NDC80: variants seen among roughly 807,000 people sequenced by gnomAD.
The protein encoded by NDC80 is kinetochore protein NDC80 homolog.
Under a neutral mutation model 89.3 loss-of-function variants are expected in NDC80, and 69 were observed. That is an observed-to-expected ratio of 0.77 (90% CI 0.64 to 0.94). The LOEUF (loss-of-function observed/expected upper bound fraction) is 0.94, where lower values mean the gene tolerates loss of function less well. NDC80 is among the 40% of genes least tolerant of loss of function. The pLI, the probability that NDC80 is intolerant of heterozygous loss-of-function variation, is 0.00. For synonymous variants in NDC80, 243 were observed against 255.6 expected, an observed-to-expected ratio of 0.95 and a Z score of 0.47; for missense variants, 593 against 739.6, an observed-to-expected ratio of 0.80 and a Z score of 2.30.
At chr18:2,593,028 G>C (rs2143649046) in intron 10 of NDC80, among the ~76,000 whole-genome samples, 1 of 122,366 alleles carries the variant, frequency 8.2e-6, no homozygotes, top group South Asian at 2.6e-4. Context: ...GTGTGTGTGT[G>C]TGTGTGTGTG....
At chr18:2,599,259 T>A in intron 12 of NDC80, 88 bp downstream of exon 12, 2 of 1,046,396 alleles carry the variant, frequency 1.9e-6, no homozygotes, top group Non-Finnish European at 2.6e-6. Context: ...CATAACCCAG[T>A]ACTAAACAAA....
At chr18:2,609,584 C>T (rs1379319388) in intron 15 of NDC80, among the ~76,000 whole-genome samples, 1 of 152,130 alleles carries the variant, frequency 6.6e-6, no homozygotes, top group Non-Finnish European at 1.5e-5. Flanking sequence ...GATACACATA[C>T]TTAATGGCTA....
rs572977810 is a variant in NDC80, at chr18:2,588,969, CTT to C, written c.764-233_764-232del. 9.9e-4 allele frequency among the ~76,000 whole-genome samples: 151 copies of C among 152,106 alleles called. 3 individuals are homozygous for C. The highest frequency in any genetic ancestry group is 8.8e-5 in the Non-Finnish European group (6 of 68,012). On this transcript the variant is annotated intron_variant, in intron 8 of 16. Transcript: ENST00000261597. ...AAGAGGAAAATAATGAAATGAGCAA[CTT>C]TAAGTCAAATGGTGATAAGCGCTTT...
At position 2,606,448 on chromosome 18, in the gene NDC80, G is replaced by C; in HGVS notation, c.1498G>C (p.Val500Leu). ...NAMITESKRS[V>L]RTLKEEVQKL... is the part of the protein sequence containing the mutation. ...AATGATAACAGAAAGCAAGAGAAGT[G>C]TGAGAACTCTGAAAGAAGAAGTTCA... Residue 500 changes from valine (V) to leucine (L), a missense_variant, in exon 14 of 17, where the codon GTG (valine) becomes CTG (leucine). Val to Leu is a conservative substitution (Grantham distance 32). Transcript: ENST00000261597. 3 of 1,604,428 alleles carry C rather than the reference G, an allele frequency of 1.9e-6. No homozygotes were observed. Among genetic ancestry groups the C allele is most frequent in the Non-Finnish European group, 2.6e-6 (3 of 1,175,002 alleles).
chr18:2,603,563 A>G (rs1263904398), intron 13 of NDC80, among the ~76,000 whole-genome samples: 1 of 151,732 alleles, frequency 6.6e-6, no homozygotes, highest in East Asian at 1.9e-4. Flanking sequence ...AATAAATTAG[A>G]GTAACAAAAC....
rs547381690 is a variant in NDC80, at chr18:2,608,765, G to A, written c.1623G>A (p.Leu541=). The A allele has an allele frequency of 1.5e-4, 246 of 1,613,314 alleles. 4 individuals are homozygous for A. In the South Asian group the frequency reaches 2.0e-3, roughly 13 times the overall value. The change falls in exon 15 of 17, where the codon CTG becomes CTA. Residue 541 remains leucine, a synonymous_variant. Transcript: ENST00000261597. ...ELESLEKHKH[L]LESTVNQGLS... ...AGTCCTTGGAGAAACACAAGCACCTGCTAGAAAGTACTGTTAACCAGGGGC... is the reference window on the plus strand; with the variant it reads ...AGTCCTTGGAGAAACACAAGCACCTACTAGAAAGTACTGTTAACCAGGGGC...
intron 10 of NDC80, 69 bp from the exon 11 acceptor site, chr18:2,595,347 T>C: frequency 9.5e-7 from 1 of 1,054,074 alleles, no homozygotes; most frequent in Non-Finnish European, 1.4e-6. Context: ...TTAGCTCTAT[T>C]ACATGATGGC....
rs1465217830 is a variant in NDC80, at chr18:2,571,613, C to T, written c.-80C>T. 1 of 152,256 alleles carries T rather than the reference C, an allele frequency of 6.6e-6. No individual in the cohort carries two copies. Among genetic ancestry groups the T allele is most frequent in the African/African-American group, 2.4e-5 (1 of 41,462 alleles). 9.4% of individuals were successfully genotyped at this position (152,256 alleles called of 1,614,324 possible). On this transcript the variant is annotated 5_prime_UTR_variant, in exon 1 of 17. Coordinates refer to ENST00000261597, the MANE Select transcript of NDC80 (RefSeq NM_006101.3). Reference sequence around the variant, plus strand: ...GACCTGGTGTTTTGATGACCGCTGTCCTGTCTAGCAGATACTTGCACGGTT... The same window carrying T: ...GACCTGGTGTTTTGATGACCGCTGTTCTGTCTAGCAGATACTTGCACGGTT...
At chr18:2,602,761 G>A (rs145644851) in intron 13 of NDC80, among the ~76,000 whole-genome samples, 1 of 152,150 alleles carries the variant, frequency 6.6e-6, no homozygotes, top group African/African-American at 2.4e-5. Context: ...AGAGAAAAAG[G>A]CTGACATAGG....
chr18:2,615,389 C>G (rs1476733960), intron 16 of NDC80: 1 of 152,234 alleles, frequency 6.6e-6, no homozygotes, highest in East Asian at 1.9e-4. Context: ...ACCTACAGTC[C>G]TTGGCTTGTA....
intron 12 of NDC80, among the ~76,000 whole-genome samples, chr18:2,599,703 A>G (rs1240571900): frequency 6.6e-6 from 1 of 152,212 alleles, no homozygotes; most frequent in East Asian, 1.9e-4. Context: ...CAAGGAAGTA[A>G]TTTTGGGAAG....
intron 13 of NDC80, among the ~76,000 whole-genome samples, chr18:2,602,657 G>T (rs1463164965): frequency 1.3e-5 from 2 of 152,194 alleles, no homozygotes; most frequent in East Asian, 3.9e-4. Flanking sequence ...CTTTTTAAAG[G>T]CTATAGATGG....
At chr18:2,579,059 C>T in intron 6 of NDC80, 30 bp downstream of exon 6, 3 of 1,348,230 alleles carry the variant, frequency 2.2e-6, no homozygotes, top group Non-Finnish European at 3.0e-6. Flanking sequence ...GAAATGTATA[C>T]ATGGGAAAGG....
intron 10 of NDC80, among the ~76,000 whole-genome samples, chr18:2,590,409 A>C (rs1034136240): frequency 6.6e-6 from 1 of 152,218 alleles, no homozygotes; most frequent in East Asian, 1.9e-4. Context: ...GCAGATCTGC[A>C]TCCCTCCAAG....
rs1180509796 is a variant in NDC80, at chr18:2,616,478, T to C, written c.1833T>C (p.Tyr611=). ...EEQIAKVDRE[Y]EECMSEDLSE... ...AGATTGCTAAAGTTGATAGAGAATA[T>C]GAAGAATGCATGTCAGAAGATCTCT... The change falls in exon 17 of 17, where the codon TAT becomes TAC. Residue 611 remains tyrosine, a synonymous_variant. Transcript: ENST00000261597. The C allele has an allele frequency of 1.3e-6, 2 of 1,541,072 alleles. No homozygotes were observed. Among genetic ancestry groups the C allele is most frequent in the Non-Finnish European group, 8.8e-7 (1 of 1,136,846 alleles).
At chr18:2,586,670 C>T (rs2072604387) in intron 7 of NDC80, among the ~76,000 whole-genome samples, 1 of 152,076 alleles carries the variant, frequency 6.6e-6, no homozygotes, top group Non-Finnish European at 1.5e-5. Context: ...GTCAAGGCTA[C>T]AGTGGGCCAA....
chr18:2,577,215 CT>C (rs11326622), intron 3 of NDC80: 77,754 of 120,234 alleles, frequency 0.65, 23,551 homozygotes, highest in Admixed American at 0.69. Context: ...ACTGTCTGCG[CT>C]TTTTTTTTTT....
intron 15 of NDC80, 98 bp from the exon 16 acceptor site, chr18:2,610,661 T>C: frequency 1.6e-6 from 1 of 621,926 alleles, no homozygotes; most frequent in East Asian, 2.9e-5. Flanking sequence ...TCAATCACAG[T>C]TTGGTTTTTT....
intron 5 of NDC80, among the ~76,000 whole-genome samples, chr18:2,578,552 A>AT (rs888360108): frequency 1.3e-5 from 2 of 152,216 alleles, no homozygotes; most frequent in Non-Finnish European, 2.9e-5. Context: ...ACAAAAAAAA[A>AT]CAGGATTCAC....
Sources: allele counts gnomAD v4.1 joint callset (sites outside exome capture counted in the v4.1 genomes callset), GRCh38; gene constraint gnomAD v4.1.1; transcripts MANE v1.5; gene names NCBI Gene and HGNC (gene_info 2026-07-23, HGNC 2026-07-21).